The following MPDZ variants were observed in gnomAD, a reference collection of about 807,000 sequenced individuals.
The protein encoded by MPDZ is multiple PDZ domain crumbs cell polarity complex component.
A neutral mutation model predicts 239.1 loss-of-function variants in MPDZ; 234 were observed. That is an observed-to-expected ratio of 0.98 (90% confidence interval 0.88 to 1.09). The LOEUF is 1.09. Among genes scored for constraint, MPDZ ranks in the 50% least tolerant of loss-of-function variants. MPDZ has a pLI of 0.00. For synonymous variants in MPDZ, 1,048 were observed against 881.3 expected, an observed-to-expected ratio of 1.19 and a Z score of -3.35; for missense variants, 3,175 against 2,510.0, an observed-to-expected ratio of 1.26 and a Z score of -5.66.
At chr9:13,143,753 T>C (rs1331668) in intron 26 of MPDZ, among the ~76,000 whole-genome samples, 189 bp from the exon 27 acceptor site, 69,640 of 151,962 alleles carry the variant, frequency 0.46, 18,662 homozygotes, top group African/African-American at 0.75. Context: ...CCTGAATCTA[T>C]ACCTGAGTCT....
In MPDZ at chr9:13,279,257, AC is replaced by A. The variant is rs1320971173; in HGVS notation, c.-58+142del. The A allele has an allele frequency of 8.8e-4, 21 of 23,962 alleles. 1 individual carries two copies. Among genetic ancestry groups the A allele is most frequent in the African/African-American group, 3.2e-3 (20 of 6,170 alleles). The allele number at this position is 23,962 out of a possible 1,614,324, so 1.5% of individuals were successfully genotyped here. ...ACGGCCCGCCGCCACCCCTACCCCC[AC>A]CCCCACCCCCACCCCCATCCCCGCC... On this transcript the variant is annotated intron_variant, in intron 1 of 46. Transcript: ENST00000319217.
At chr9:13,140,495 C>G (rs1279015277) in intron 27 of MPDZ, among the ~76,000 whole-genome samples, 1 of 147,148 alleles carries the variant, frequency 6.8e-6, no homozygotes, top group Admixed American at 6.8e-5. Flanking sequence ...CCATATATAT[C>G]TATGTATATA....
intron 21 of MPDZ, among the ~76,000 whole-genome samples, chr9:13,172,575 CG>C (rs1456228636): frequency 6.6e-6 from 1 of 151,914 alleles, no homozygotes; most frequent in Non-Finnish European, 1.5e-5. Flanking sequence ...TCAGTAGAGA[CG>C]GGGTTTCGCC....
At position 13,108,970 on chromosome 9, in the gene MPDZ, T is replaced by C; in HGVS notation, c.6032A>G (p.Asp2011Gly). Residue 2011 changes from aspartate (D) to glycine (G), a missense_variant, in exon 46 of 47, where the codon GAC becomes GGC. By Grantham distance (94) the Asp-to-Gly change is moderately conservative. Transcript: ENST00000319217. ...CACTGTTTTAACATAAATGGGTAAG[T>C]CTCCATGAGGGCTGCCATATCCTCC... ...IVGGYGSPHG[D>G]LPIYVKTVFA... The C allele has an allele frequency of 6.2e-7, 1 of 1,609,516 alleles. No individual in the cohort carries two copies. The highest frequency in any genetic ancestry group is 8.5e-7 in the Non-Finnish European group (1 of 1,177,830).
At chr9:13,166,536 T>C (rs1412426057) in intron 22 of MPDZ, among the ~76,000 whole-genome samples, 2 of 152,160 alleles carry the variant, frequency 1.3e-5, no homozygotes, top group Non-Finnish European at 2.9e-5. Flanking sequence ...AATGTCTGCA[T>C]GTGTGTTTAC....
At chr9:13,178,391 G>T (rs1228527828) in intron 19 of MPDZ, among the ~76,000 whole-genome samples, 2 of 152,018 alleles carry the variant, frequency 1.3e-5, no homozygotes, top group Non-Finnish European at 2.9e-5. Context: ...TGATTTGTAA[G>T]AAATATTAGT....
At chr9:13,159,309 G>C (rs532051956) in intron 23 of MPDZ, among the ~76,000 whole-genome samples, 18 of 152,218 alleles carry the variant, frequency 1.2e-4, no homozygotes, top group Non-Finnish European at 2.4e-4. Flanking sequence ...CTACCCATTG[G>C]TTTTGTGTTT....
At chr9:13,168,631 T>G in intron 21 of MPDZ, 67 bp from the exon 22 acceptor site, 2 of 1,156,610 alleles carry the variant, frequency 1.7e-6, no homozygotes, top group Non-Finnish European at 2.4e-6. Flanking sequence ...AATTTGAATT[T>G]AATAATTTCT....
At position 13,106,661 on chromosome 9, in the gene MPDZ, G is replaced by C. The variant is rs1326790093; in HGVS notation, c.*304C>G. 3 of 250,926 alleles carry C rather than the reference G, an allele frequency of 1.2e-5. No individual in the cohort carries two copies. The highest frequency in any genetic ancestry group is 2.3e-5 in the Non-Finnish European group (3 of 130,258). 15.5% of individuals were successfully genotyped at this position (250,926 alleles called of 1,614,324 possible). ...ATCTTTCTTTATACTAACCAGCTTA[G>C]CATGTAATAATTCTTGCCCATGTGA... is the stretch of plus-strand genomic sequence containing the variant. On this transcript the variant is annotated 3_prime_UTR_variant, in exon 47 of 47. Transcript: ENST00000319217.
chr9:13,244,371 A>G (rs921318488), intron 3 of MPDZ, among the ~76,000 whole-genome samples: 7 of 152,232 alleles, frequency 4.6e-5, no homozygotes, highest in African/African-American at 1.7e-4. Context: ...ACTAGGTGAC[A>G]GTGAGGACAC....
In MPDZ at chr9:13,219,631, T is replaced by C; in HGVS notation, c.1014A>G (p.Ile338Met). Residue 338 changes from isoleucine (I) to methionine (M), a missense_variant, in exon 8 of 47, where the codon ATA becomes ATG. By Grantham distance (10) the Ile-to-Met change is conservative. Coordinates refer to ENST00000319217, the MANE Select transcript of MPDZ (RefSeq NM_001378778.1). ...RVKLMIARGAIEERTAPTALG... is the reference protein window; with the variant it reads ...RVKLMIARGAMEERTAPTALG... ...AAGCAGTGGGTGCTGTACGTTCTTC[T>C]ATGGCACCTCTTGCAATCATCAACT... 1 of 1,612,606 alleles carries C rather than the reference T, an allele frequency of 6.2e-7. No individual in the cohort carries two copies. The highest frequency in any genetic ancestry group is 8.5e-7 in the Non-Finnish European group (1 of 1,179,194).
chr9:13,127,505 A>C (rs530497626), intron 32 of MPDZ, among the ~76,000 whole-genome samples: 1 of 152,372 alleles, frequency 6.6e-6, no homozygotes, highest in Admixed American at 6.5e-5. Flanking sequence ...TTTCATTGCC[A>C]GAGCTAGCCA....
rs115273535 is a variant in MPDZ at position 13,151,626 on chromosome 9, T to C, written c.3453-938A>G. On this transcript the variant is annotated intron_variant, in intron 24 of 46. Transcript: ENST00000319217. ...GACAGAAAGTAGAATGGTGGTTGCCTGGGATGGGAAGAGACAAGAAAGGGG... is the reference window on the plus strand; with the variant it reads ...GACAGAAAGTAGAATGGTGGTTGCCCGGGATGGGAAGAGACAAGAAAGGGG... Among the ~76,000 whole-genome samples the C allele has an allele frequency of 9.9e-5, 15 of 152,030 alleles. No individual in the cohort carries two copies. In the East Asian group the frequency reaches 2.5e-3, roughly 26 times the overall value.
chr9:13,253,561 C>A (rs1327375300), intron 1 of MPDZ, among the ~76,000 whole-genome samples: 2 of 152,158 alleles, frequency 1.3e-5, no homozygotes, highest in Non-Finnish European at 1.5e-5. Flanking sequence ...ACCACACTAC[C>A]ATTTCCTTTC....
intron 24 of MPDZ, among the ~76,000 whole-genome samples, chr9:13,157,500 T>C (rs1028955411): frequency 2.0e-5 from 3 of 152,154 alleles, no homozygotes; most frequent in South Asian, 4.1e-4. Flanking sequence ...GTTTTAGTGA[T>C]GCACGTGATA....
intron 25 of MPDZ, 26 bp from the exon 26 acceptor site, chr9:13,147,684 A>G: frequency 6.4e-7 from 1 of 1,557,186 alleles, no homozygotes; most frequent in South Asian, 1.1e-5. Flanking sequence ...TCAGCTTAAC[A>G]TTTCAAGAAT....
chr9:13,144,973 T>C (rs2132700728), intron 26 of MPDZ, among the ~76,000 whole-genome samples: 1 of 152,188 alleles, frequency 6.6e-6, no homozygotes, highest in Middle Eastern at 3.4e-3. Flanking sequence ...ACATTGGACT[T>C]TCAGTGTCCT....
Position 13,123,799 on chromosome 9 carries a change from A to T in MPDZ, c.4808-501T>A, listed in dbSNP as rs576333003. The stretch of plus-strand genomic sequence containing the variant: ...ATGCCTGCTTTTCGGGGCTTTTTAC[A>T]TTTTTGTTTTCTTCTTATCCTAGAG... On this transcript the variant is annotated intron_variant, in intron 35 of 46. Coordinates refer to ENST00000319217, the MANE Select transcript of MPDZ (RefSeq NM_001378778.1). Among the ~76,000 whole-genome samples the T allele has an allele frequency of 1.1e-4, 16 of 152,260 alleles. No homozygotes were observed. In the East Asian group the frequency reaches 2.9e-3, roughly 28 times the overall value.
At chr9:13,211,467 C>G (rs1957610565) in intron 10 of MPDZ, among the ~76,000 whole-genome samples, 1 of 151,978 alleles carries the variant, frequency 6.6e-6, no homozygotes, top group Non-Finnish European at 1.5e-5. Flanking sequence ...AAAGTTTACT[C>G]AAAACACTCC....
Sources: gnomAD v4.1 joint callset for allele counts (sites outside exome capture counted in the v4.1 genomes callset) on GRCh38, gnomAD v4.1.1 for gene constraint, MANE v1.5 for transcripts, NCBI Gene and HGNC (gene_info 2026-07-23, HGNC 2026-07-21) for gene names.